The following C12orf42 variants were observed in gnomAD, a reference collection of about 807,000 sequenced individuals.
The protein encoded by C12orf42 is uncharacterized protein C12orf42.
In C12orf42, 25 loss-of-function variants were observed where a neutral mutation model predicts 21.6. The observed-to-expected ratio is 1.16, with a 90% CI of 0.84 to 1.62. The LOEUF (loss-of-function observed/expected upper bound fraction) is 1.62. Among genes scored for constraint, C12orf42 ranks in the 40% most tolerant of loss-of-function variants. The pLI is 0.00. For missense variants in C12orf42, 483 were observed against 459.3 expected (o/e 1.05, Z -0.47); for synonymous variants, 174 against 175.0 (o/e 0.99, Z 0.05).
chr12:103,149,749 C>T, the C12orf42 span, among the ~76,000 whole-genome samples: 3 of 152,116 alleles, frequency 2.0e-5, no homozygotes, highest in Admixed American at 6.5e-5. Flanking sequence ...CTGATGCCTC[C>T]GCAGCCAAGT....
intron 2 of C12orf42, among the ~76,000 whole-genome samples, chr12:103,428,758 AG>A (rs1950039818): frequency 6.6e-6 from 1 of 152,224 alleles, no homozygotes; most frequent in South Asian, 2.1e-4. Context: ...CACATCAAAA[AG>A]CTTATCCACC....
chr12:103,220,581 T>C, the C12orf42 span, among the ~76,000 whole-genome samples: 1 of 152,180 alleles, frequency 6.6e-6, no homozygotes, highest in Non-Finnish European at 1.5e-5. Flanking sequence ...TTAAGCTGTG[T>C]CAAAATGCCA....
chr12:103,211,981 C>T, the C12orf42 span, among the ~76,000 whole-genome samples: 6 of 152,022 alleles, frequency 3.9e-5, no homozygotes, highest in Non-Finnish European at 5.9e-5. Context: ...ATATAAGAAA[C>T]TTTGCCTAAA....
the C12orf42 span, among the ~76,000 whole-genome samples, chr12:103,506,559 A>G: frequency 6.6e-6 from 1 of 151,616 alleles, no homozygotes; most frequent in African/African-American, 2.4e-5. Flanking sequence ...TATAGTATTC[A>G]GTATAGTAAC....
intron 4 of C12orf42, among the ~76,000 whole-genome samples, chr12:103,283,566 C>G (rs934394619): frequency 2.0e-5 from 3 of 152,234 alleles, no homozygotes; most frequent in Admixed American, 2.0e-4. Flanking sequence ...ACACTAGCCT[C>G]CAGCATGCCA....
At chr12:103,067,845 C>T in the C12orf42 span, among the ~76,000 whole-genome samples, 1 of 152,086 alleles carries the variant, frequency 6.6e-6, no homozygotes, top group East Asian at 1.9e-4. Context: ...GGTGATTGAC[C>T]CAGACTATCA....
At chr12:103,053,872 TCTTTTTCA>T in the C12orf42 span, among the ~76,000 whole-genome samples, 1 of 151,988 alleles carries the variant, frequency 6.6e-6, no homozygotes, top group African/African-American at 2.4e-5. Flanking sequence ...CCATCCAGTC[TCTTTTTCA>T]CTTTGTCAAA....
chr12:103,140,487 A>C, the C12orf42 span, among the ~76,000 whole-genome samples: 5 of 152,276 alleles, frequency 3.3e-5, no homozygotes, highest in East Asian at 9.7e-4. Context: ...TACTTACTCC[A>C]GTGCTGCTAT....
the C12orf42 span, among the ~76,000 whole-genome samples, chr12:103,068,377 T>C: frequency 6.6e-6 from 1 of 152,162 alleles, no homozygotes; most frequent in Non-Finnish European, 1.5e-5. Context: ...CAAAGGATAG[T>C]TGTATTCTGT....
At chr12:103,254,206 T>C (rs1169662862) in intron 10 of C12orf42, among the ~76,000 whole-genome samples, 3 of 152,176 alleles carry the variant, frequency 2.0e-5, no homozygotes, top group East Asian at 3.8e-4. Flanking sequence ...GCTAGCCACT[T>C]TTTCCAGCAC....
chr12:103,414,880 T>C (rs892487577), intron 2 of C12orf42, among the ~76,000 whole-genome samples: 1 of 152,146 alleles, frequency 6.6e-6, no homozygotes, highest in Admixed American at 6.5e-5. Context: ...TTTATTTCTT[T>C]CTCTTGCTTG....
the C12orf42 span, among the ~76,000 whole-genome samples, chr12:103,058,362 T>C: frequency 6.6e-6 from 1 of 152,228 alleles, no homozygotes; most frequent in African/African-American, 2.4e-5. Flanking sequence ...TCCTTGTAGA[T>C]TTTGAATATT....
chr12:103,193,594 T>C, the C12orf42 span, among the ~76,000 whole-genome samples: 2 of 151,986 alleles, frequency 1.3e-5, no homozygotes, highest in Non-Finnish European at 2.9e-5. Flanking sequence ...GAACAATCTA[T>C]AAGAAATGTA....
At chr12:103,097,170 T>C in the C12orf42 span, among the ~76,000 whole-genome samples, 2 of 152,180 alleles carry the variant, frequency 1.3e-5, no homozygotes, top group Non-Finnish European at 2.9e-5. Flanking sequence ...AACTGGAAAG[T>C]TAGAGTATCA....
At chr12:103,434,940 G>A (rs867784526) in intron 2 of C12orf42, among the ~76,000 whole-genome samples, 2 of 152,214 alleles carry the variant, frequency 1.3e-5, no homozygotes, top group Non-Finnish European at 2.9e-5. Context: ...GCTCCACCTC[G>A]GGGGGCAGGG....
At chr12:103,311,958 A>T (rs2039012212) in intron 4 of C12orf42, among the ~76,000 whole-genome samples, 2 of 152,212 alleles carry the variant, frequency 1.3e-5, no homozygotes, top group Non-Finnish European at 2.9e-5. Flanking sequence ...AACAATCATG[A>T]ATATACTAGA....
chr12:103,482,934 T>G (rs1954574205), intron 1 of C12orf42, among the ~76,000 whole-genome samples: 1 of 152,214 alleles, frequency 6.6e-6, no homozygotes, highest in Admixed American at 6.5e-5. Context: ...TATATTTCTA[T>G]AAGTTTATTT....
At chr12:103,152,182 G>A in the C12orf42 span, among the ~76,000 whole-genome samples, 1 of 152,200 alleles carries the variant, frequency 6.6e-6, no homozygotes, top group Non-Finnish European at 1.5e-5. Context: ...AAGAGCTCCA[G>A]AGAAGTACCT....
At chr12:103,500,019 A>AT (rs1286885695), upstream of C12orf42, among the ~76,000 whole-genome samples, 2 of 152,222 alleles carry the variant, frequency 1.3e-5, no homozygotes, top group East Asian at 3.8e-4. Flanking sequence ...AGAGAAAATA[A>AT]TTTTACCTCT....
Sources: allele counts gnomAD v4.1 joint callset (sites outside exome capture counted in the v4.1 genomes callset), GRCh38; gene constraint gnomAD v4.1.1; transcripts MANE v1.5; gene names NCBI Gene and HGNC (gene_info 2026-07-23, HGNC 2026-07-21).